The following FCHSD1 variants were observed in gnomAD, a reference collection of about 807,000 sequenced individuals.
FCHSD1 encodes F-BAR and double SH3 domains protein 1.
A neutral mutation model predicts 101.3 loss-of-function variants in FCHSD1; 109 were observed. The ratio of observed to expected loss-of-function variants is 1.08; its 90% CI spans 0.92 to 1.26. FCHSD1 has a LOEUF of 1.26. Among genes scored for constraint, FCHSD1 ranks in the 50% most tolerant of loss-of-function variants. The pLI is 0.00. For synonymous variants in FCHSD1, 291 were observed against 356.8 expected (o/e 0.82, Z 2.08); for missense variants, 820 against 895.8 (o/e 0.92, Z 1.08).
In FCHSD1 at chr5:141,645,595, G is replaced by T. The variant is rs456998; in HGVS notation, c.1311+176C>A. 0.57 allele frequency among the ~76,000 whole-genome samples: 86,212 copies of T among 152,094 alleles called. 25,518 individuals carry two copies. The highest frequency in any genetic ancestry group is 0.74 in the African/African-American group (30,840 of 41,494). On this transcript the variant is annotated intron_variant, in intron 13 of 19. Transcript: ENST00000435817. ...ATTCTATTATGCTCATAATAAAAATGTACTGAGGACTCTATGCCAGAAATT... is the reference window on the plus strand; with the variant it reads ...ATTCTATTATGCTCATAATAAAAATTTACTGAGGACTCTATGCCAGAAATT...
chr5:141,651,267 C>A (rs1311439309), intron 1 of FCHSD1, 81 bp downstream of exon 1: 12 of 1,547,286 alleles, frequency 7.8e-6, no homozygotes, highest in Non-Finnish European at 1.0e-5. Flanking sequence ...GACTTCCCGT[C>A]TCCTACCACA....
At chr5:141,648,394 C>T (rs1426057741) in intron 7 of FCHSD1, among the ~76,000 whole-genome samples, 1 of 152,286 alleles carries the variant, frequency 6.6e-6, no homozygotes, top group East Asian at 1.9e-4. Context: ...CACAGTACTC[C>T]AGCCATACTG....
At position 141,649,977 on chromosome 5, in the gene FCHSD1, A is replaced by T; in HGVS notation, c.166-23T>A. On this transcript the variant is annotated intron_variant, in intron 3 of 19. Coordinates refer to ENST00000435817, the MANE Select transcript of FCHSD1 (RefSeq NM_033449.3). The surrounding 1 kb of genome is among the most constrained non-coding windows in gnomAD (Gnocchi z 4.1). ...TGCCTGGTGAAAAAGCCATCACAGA[A>T]CCAAGTTCCCTTTCAAAGACCCACC... 1 of 1,528,028 alleles carries T rather than the reference A, an allele frequency of 6.5e-7. No homozygotes were observed. 94.7% of individuals were successfully genotyped at this position (1,528,028 alleles called of 1,614,324 possible).
In FCHSD1 at chr5:141,640,038, G is replaced by A. The variant is rs139146106; in HGVS notation, c.*1460C>T. The A allele has an allele frequency of 2.5e-6, 4 of 1,613,302 alleles. No individual in the cohort carries two copies. The highest frequency in any genetic ancestry group is 1.3e-5 in the African/African-American group (1 of 74,908). On this transcript the variant is annotated 3_prime_UTR_variant, in exon 20 of 20. Coordinates refer to ENST00000435817, the MANE Select transcript of FCHSD1 (RefSeq NM_033449.3). ...GGACCCAGGGGGTGGTCAGGGGTCT[G>A]GGGGAGGGCAGCCCAAGGCAGGGAT...
At position 141,639,667 on chromosome 5, in the gene FCHSD1, G is replaced by A; in HGVS notation, c.*1831C>T. ...GTGGGCAGGTGGGGCAGGTGCTCCAGGGAAAGGGGGGCTGAGGTAGGGGGC... is the reference window on the plus strand; with the variant it reads ...GTGGGCAGGTGGGGCAGGTGCTCCAAGGAAAGGGGGGCTGAGGTAGGGGGC... On this transcript the variant is annotated 3_prime_UTR_variant, in exon 20 of 20. Transcript: ENST00000435817. This position sits in a 1 kb window ranked among gnomAD's most constrained non-coding sequence, Gnocchi z 4.4. 3 of 1,584,596 alleles carry A rather than the reference G, an allele frequency of 1.9e-6. No homozygotes were observed. The highest frequency in any genetic ancestry group is 2.6e-6 in the Non-Finnish European group (3 of 1,165,044).
chr5:141,647,891 C>T, intron 8 of FCHSD1, 77 bp downstream of exon 8: 2 of 1,554,766 alleles, frequency 1.3e-6, no homozygotes, highest in Non-Finnish European at 1.7e-6. Flanking sequence ...CACCCACTGT[C>T]ATGGGGATCA....
intron 7 of FCHSD1, 78 bp from the exon 8 acceptor site, chr5:141,648,174 A>C (rs75457247): frequency 0.01 from 15,113 of 1,491,338 alleles, 117 homozygotes; most frequent in Non-Finnish European, 0.012. Flanking sequence ...AGCCAGATCC[A>C]GAATGGATTC....
Position 141,645,764 on chromosome 5 carries a change from A to C in FCHSD1, c.1311+7T>G. 6.2e-7 allele frequency: 1 copy of C among 1,608,862 alleles called. No homozygotes were observed. The highest frequency in any genetic ancestry group is 8.5e-7 in the Non-Finnish European group (1 of 1,177,112). ...TAAGGATGGGTAGTGTTGGGGGAGG[A>C]GCTCACGGTTGGAGAGAGGTCCCTC... On this transcript the variant is annotated splice_region_variant and intron_variant, in intron 13 of 19. Coordinates refer to ENST00000435817, the MANE Select transcript of FCHSD1 (RefSeq NM_033449.3).
At position 141,651,018 on chromosome 5, in the gene FCHSD1, A is replaced by T; in HGVS notation, c.119+2T>A. ...GTAAATGAAGGGGGTTGGGGGAGCT[A>T]CCTGATGTCCTCCAGCAGATCCGCC... On this transcript the variant is annotated splice_donor_variant, in intron 2 of 19. Coordinates refer to ENST00000435817, the MANE Select transcript of FCHSD1 (RefSeq NM_033449.3). LOFTEE classifies it high-confidence loss of function. 6.3e-7 allele frequency: 1 copy of T among 1,581,794 alleles called. No individual in the cohort carries two copies. Among genetic ancestry groups the T allele is most frequent in the Non-Finnish European group, 8.6e-7 (1 of 1,162,930 alleles).
chr5:141,644,935 C>T lies in FCHSD1; in HGVS notation c.1448G>A (p.Arg483His), dbSNP rs375870031. ...AHVVFRYQAG[R>H]EDELTITEGE... ...CTCCGTGATTGTCAGCTCATCCTCACGCCCTGCCTGGGCCACACACGAAGG... is the reference window on the plus strand; with the variant it reads ...CTCCGTGATTGTCAGCTCATCCTCATGCCCTGCCTGGGCCACACACGAAGG... Residue 483 changes from arginine (R) to histidine (H), a missense_variant, in exon 15 of 20, where the codon CGT becomes CAT. Arg to His is a conservative substitution (Grantham distance 29). Coordinates refer to ENST00000435817, the MANE Select transcript of FCHSD1 (RefSeq NM_033449.3). 82 of 1,613,808 alleles carry T rather than the reference C, an allele frequency of 5.1e-5. No individual in the cohort carries two copies. In the African/African-American group the frequency reaches 6.9e-4, roughly 14 times the overall value.
intron 2 of FCHSD1, among the ~76,000 whole-genome samples, chr5:141,650,698 TCTGCCAGC>T (rs2099908272): frequency 2.0e-5 from 3 of 152,014 alleles, no homozygotes; most frequent in Non-Finnish European, 4.4e-5. Context: ...GGGTACGATG[TCTGCCAGC>T]CTTCCAACAG....
At position 141,650,376 on chromosome 5, in the gene FCHSD1, C is replaced by T. The variant is rs778527535; in HGVS notation, c.148G>A (p.Glu50Lys). ...RSYSKQRAAI[E>K]REYGQALQKL... ...TCCCATACCTGCCCATACTCCCGTT[C>T]AATGGCTGCCCTCTGCTTGCTGTAG... The change falls in exon 3 of 20, where the codon GAA becomes AAA. Residue 50 changes from glutamate to lysine, a missense_variant. By Grantham distance (56) the Glu-to-Lys change is moderately conservative (BLOSUM62 1). Transcript: ENST00000435817. The T allele has an allele frequency of 6.2e-7, 1 of 1,613,942 alleles. No homozygotes were observed. The highest frequency in any genetic ancestry group is 1.3e-5 in the African/African-American group (1 of 75,006).
Position 141,640,456 on chromosome 5 carries a change from C to T in FCHSD1, c.*1042G>A. On this transcript the variant is annotated 3_prime_UTR_variant, in exon 20 of 20. Coordinates refer to ENST00000435817, the MANE Select transcript of FCHSD1 (RefSeq NM_033449.3). Reference sequence around the variant, plus strand: ...CAGGGAGTATGTGAGGTGAGTCTGCCTGAGCCCTAAATGAGGTAATCTCAT... The same window carrying T: ...CAGGGAGTATGTGAGGTGAGTCTGCTTGAGCCCTAAATGAGGTAATCTCAT... 1 of 1,614,138 alleles carries T rather than the reference C, an allele frequency of 6.2e-7. No homozygotes were observed. Among genetic ancestry groups the T allele is most frequent in the Non-Finnish European group, 8.5e-7 (1 of 1,180,006 alleles).
intron 17 of FCHSD1, 131 bp from the exon 18 acceptor site, chr5:141,643,219 T>TGG (rs10699129): frequency 1.5e-4 from 87 of 565,626 alleles, no homozygotes; most frequent in Middle Eastern, 5.1e-4. Context: ...TTGCATTCGG[T>TGG]GGGGGGGTGT....
At chr5:141,645,187 C>T in intron 13 of FCHSD1, 39 bp from the exon 14 acceptor site, 5 of 1,516,268 alleles carry the variant, frequency 3.3e-6, no homozygotes, top group Non-Finnish European at 4.4e-6. Flanking sequence ...GGGGCCCACT[C>T]TCAAGCACTG....
At chr5:141,648,932 C>A (rs747933170) in intron 7 of FCHSD1, 25 bp downstream of exon 7, 4 of 1,613,708 alleles carry the variant, frequency 2.5e-6, no homozygotes, top group East Asian at 2.2e-5. Flanking sequence ...TTCCCTGCCC[C>A]CACTCATGCC....
intron 16 of FCHSD1, 28 bp downstream of exon 16, chr5:141,644,545 C>G: frequency 9.3e-6 from 15 of 1,612,422 alleles, no homozygotes; most frequent in Non-Finnish European, 1.3e-5. Context: ...TACCCAGGGT[C>G]CTCTAACCCA....
At chr5:141,642,353 G>T in intron 18 of FCHSD1, 1 of 672,922 alleles carries the variant, frequency 1.5e-6, no homozygotes, top group Non-Finnish European at 2.7e-6. Flanking sequence ...CTCCAAAGGG[G>T]GCAAAGGTAG....
In FCHSD1 at chr5:141,645,072, G is replaced by A. The variant is rs1275365083; in HGVS notation, c.1388C>T (p.Ala463Val). Residue 463 changes from alanine (A) to valine (V), a missense_variant, in exon 14 of 20, where the codon GCC becomes GTC. Transcript: ENST00000435817. ...GCAGGGGAGGGCCCTCGTGGCCAGG[G>A]CTTGGGGGGCAGGCTCCTCAAAGAG... ...GELFEEPAPQ[A>V]LATRALPCPA... 6.3e-7 allele frequency: 1 copy of A among 1,592,088 alleles called. No homozygotes were observed. Among genetic ancestry groups the A allele is most frequent in the Non-Finnish European group, 8.6e-7 (1 of 1,167,422 alleles).
Sources: allele counts gnomAD v4.1 joint callset (sites outside exome capture counted in the v4.1 genomes callset), GRCh38; gene constraint gnomAD v4.1.1; non-coding constraint Gnocchi (gnomAD v3.1); transcripts MANE v1.5; gene names NCBI Gene and HGNC (gene_info 2026-07-23, HGNC 2026-07-21).